The following MAPKAP1 variants were observed in gnomAD, a reference collection of about 807,000 sequenced individuals.
The protein encoded by MAPKAP1 is MAPK associated protein 1.
A neutral mutation model predicts 65.7 loss-of-function variants in MAPKAP1; 20 were observed. The observed-to-expected ratio is 0.30, with a 90% CI of 0.21 to 0.44. The LOEUF is 0.44. Among genes scored for constraint, MAPKAP1 ranks in the 20% least tolerant of loss-of-function variants. The probability of loss-of-function intolerance (pLI) is 1.00; values close to 1 mark genes in which losing one functional copy is unlikely to be tolerated. For missense variants in MAPKAP1, 423 were observed against 648.0 expected, an observed-to-expected ratio of 0.65 and a Z score of 3.77; for synonymous variants, 222 against 244.3, an observed-to-expected ratio of 0.91 and a Z score of 0.85.
At chr9:125,566,949 GC>G in intron 5 of MAPKAP1, among the ~76,000 whole-genome samples, 1 of 152,264 alleles carries the variant, frequency 6.6e-6, no homozygotes, top group East Asian at 1.9e-4. Flanking sequence ...CCAAACTCAT[GC>G]CGCCCCTATC....
At chr9:125,646,978 C>T (rs942445916) in intron 4 of MAPKAP1, among the ~76,000 whole-genome samples, 4 of 152,190 alleles carry the variant, frequency 2.6e-5, no homozygotes, top group Non-Finnish European at 5.9e-5. Context: ...GGAAAGACAG[C>T]GCCTTATACA....
intron 7 of MAPKAP1, among the ~76,000 whole-genome samples, chr9:125,521,120 G>A (rs985980431): frequency 2.0e-5 from 3 of 152,168 alleles, no homozygotes; most frequent in African/African-American, 7.2e-5. Context: ...AGAAGGTTGG[G>A]AGCCACTGGA....
intron 1 of MAPKAP1, among the ~76,000 whole-genome samples, chr9:125,677,551 G>C (rs560869262): frequency 2.0e-5 from 3 of 152,032 alleles, no homozygotes; most frequent in Admixed American, 6.6e-5. Context: ...TAAAAAGTAG[G>C]GGGGCGTGGT....
chr9:125,610,236 C>T (rs1832559278), intron 4 of MAPKAP1, among the ~76,000 whole-genome samples: 1 of 152,204 alleles, frequency 6.6e-6, no homozygotes, highest in South Asian at 2.1e-4. Flanking sequence ...TTTAATACAA[C>T]ACACTAAAAA....
At chr9:125,552,943 T>C (rs1830624941) in intron 6 of MAPKAP1, among the ~76,000 whole-genome samples, 2 of 152,200 alleles carry the variant, frequency 1.3e-5, no homozygotes, top group Admixed American at 1.3e-4. Flanking sequence ...ATGAAAAGCA[T>C]ATAGAGATGT....
intron 9 of MAPKAP1, among the ~76,000 whole-genome samples, chr9:125,483,846 A>T (rs956124208): frequency 6.6e-6 from 1 of 152,190 alleles, no homozygotes; most frequent in Admixed American, 6.5e-5. Context: ...TACACAGCAG[A>T]CACCTATAAA....
intron 5 of MAPKAP1, among the ~76,000 whole-genome samples, chr9:125,566,199 T>C (rs576924686): frequency 1.3e-5 from 2 of 152,344 alleles, no homozygotes; most frequent in South Asian, 4.1e-4. Flanking sequence ...GTGTTAAGCA[T>C]TGTGTATGGA....
intron 8 of MAPKAP1, chr9:125,506,108 G>A: frequency 3.2e-6 from 2 of 621,940 alleles, no homozygotes; most frequent in South Asian, 3.6e-5. Flanking sequence ...GTGCTAAACA[G>A]GATGCAGCCT....
chr9:125,533,967 G>T (rs1225329889), intron 7 of MAPKAP1, among the ~76,000 whole-genome samples: 1 of 152,188 alleles, frequency 6.6e-6, no homozygotes, highest in Admixed American at 6.5e-5. Context: ...AAGATAAAAT[G>T]TGTGGTCACT....
In MAPKAP1 at chr9:125,516,124, T is replaced by C. The variant is rs925271877; in HGVS notation, c.959-9707A>G. The stretch of plus-strand genomic sequence containing the variant: ...CTGACCCAGCAGTGCCGCACTGACC[T>C]GATTTTACTGAAAGAAGACGCCGTC... On this transcript the variant is annotated intron_variant, in intron 7 of 11. Transcript: ENST00000265960. Among the ~76,000 whole-genome samples the C allele has an allele frequency of 2.6e-5, 4 of 152,344 alleles. No individual in the cohort carries two copies. The South Asian group carries it at 8.3e-4, about 32-fold the overall frequency.
chr9:125,706,350 A>T (rs1835758560), intron 1 of MAPKAP1, among the ~76,000 whole-genome samples: 1 of 152,116 alleles, frequency 6.6e-6, no homozygotes, highest in Non-Finnish European at 1.5e-5. Flanking sequence ...GTACAGTGCC[A>T]GGTACTGTGG....
intron 2 of MAPKAP1, 32 bp downstream of exon 2, chr9:125,672,284 C>T: frequency 1.2e-6 from 2 of 1,609,536 alleles, no homozygotes; most frequent in Non-Finnish European, 1.7e-6. Context: ...TGATTTAAAG[C>T]TCAGAAGACA....
chr9:125,508,500 T>A (rs754418137), intron 7 of MAPKAP1, among the ~76,000 whole-genome samples: 3 of 152,220 alleles, frequency 2.0e-5, no homozygotes, highest in African/African-American at 4.8e-5. Flanking sequence ...CAGAAGCAAC[T>A]GACATCCACT....
chr9:125,461,299 A>T (rs1853485982), intron 10 of MAPKAP1, among the ~76,000 whole-genome samples: 2 of 152,192 alleles, frequency 1.3e-5, no homozygotes, highest in Non-Finnish European at 2.9e-5. Flanking sequence ...GGTTGCCTAA[A>T]CCCATCTCCC....
At chr9:125,465,485 T>C (rs1054290858) in intron 10 of MAPKAP1, among the ~76,000 whole-genome samples, 9 of 152,232 alleles carry the variant, frequency 5.9e-5, no homozygotes, top group Admixed American at 5.9e-4. Context: ...CTGAATTAAT[T>C]TGATGAAGAT....
chr9:125,588,442 C>T (rs886247777), intron 4 of MAPKAP1, among the ~76,000 whole-genome samples: 2 of 151,864 alleles, frequency 1.3e-5, no homozygotes, highest in Admixed American at 1.3e-4. Flanking sequence ...TGGGGGTGAT[C>T]GTAATGTTCT....
chr9:125,618,113 G>C (rs1487021308), intron 4 of MAPKAP1, among the ~76,000 whole-genome samples: 1 of 151,952 alleles, frequency 6.6e-6, no homozygotes, highest in African/African-American at 2.4e-5. Flanking sequence ...TAAGAACTTA[G>C]GGAGGATCGC....
chr9:125,626,202 C>G (rs1833113852), intron 4 of MAPKAP1, among the ~76,000 whole-genome samples: 2 of 152,210 alleles, frequency 1.3e-5, no homozygotes, highest in South Asian at 4.1e-4. Flanking sequence ...TTTACACTTT[C>G]AGAAATACTG....
intron 9 of MAPKAP1, among the ~76,000 whole-genome samples, chr9:125,476,013 C>A (rs1337827529): frequency 6.6e-6 from 1 of 152,202 alleles, no homozygotes; most frequent in Non-Finnish European, 1.5e-5. Flanking sequence ...ATTCTCAATT[C>A]TTTCTCAGCC....
Sources: allele counts gnomAD v4.1 joint callset (sites outside exome capture counted in the v4.1 genomes callset), GRCh38; gene constraint gnomAD v4.1.1; transcripts MANE v1.5; gene names NCBI Gene and HGNC (gene_info 2026-07-23, HGNC 2026-07-21).